RNF130: variants seen among roughly 807,000 people sequenced by gnomAD.
The protein encoded by RNF130 is ring finger protein 130.
RNF130 carries 21 observed loss-of-function variants against 44.6 expected under a neutral mutation model. The ratio of observed to expected loss-of-function variants is 0.47; its 90% CI spans 0.33 to 0.68. The LOEUF (loss-of-function observed/expected upper bound fraction) is 0.68. RNF130 is among the 30% of genes least tolerant of loss of function. RNF130 has a pLI of 0.02. For synonymous variants in RNF130, 214 were observed against 210.4 expected (o/e 1.02, Z -0.15); for missense variants, 479 against 560.6 (o/e 0.85, Z 1.47).
At chr5:180,013,358 T>C (rs10516141) in intron 2 of RNF130, 47 bp from the exon 3 acceptor site, 75,351 of 1,509,308 alleles carry the variant, frequency 0.05, 4,425 homozygotes, top group African/African-American at 0.3. Flanking sequence ...TTAAAACTTA[T>C]GGAAACATCA....
intron 2 of RNF130, among the ~76,000 whole-genome samples, chr5:180,014,658 C>T (rs1386996002): frequency 1.3e-5 from 2 of 152,168 alleles, no homozygotes; most frequent in East Asian, 3.9e-4. Context: ...CTTTGTGTTA[C>T]ATGCAGTCAC....
intron 1 of RNF130, among the ~76,000 whole-genome samples, chr5:180,067,073 T>C (rs1582236616): frequency 6.6e-6 from 1 of 152,110 alleles, no homozygotes; most frequent in Non-Finnish European, 1.5e-5. Flanking sequence ...CAGTCACACC[T>C]TATTCAAGGC....
intron 3 of RNF130, among the ~76,000 whole-genome samples, chr5:180,008,561 T>C (rs1763513891): frequency 1.3e-5 from 2 of 152,094 alleles, no homozygotes; most frequent in South Asian, 4.1e-4. Flanking sequence ...CATAATGGAA[T>C]CAAACCAGAA....
chr5:179,976,139 G>C (rs1352890317), intron 5 of RNF130, among the ~76,000 whole-genome samples: 9 of 152,164 alleles, frequency 5.9e-5, no homozygotes, highest in African/African-American at 2.2e-4. Context: ...GGGCAACATA[G>C]TGAGACCCCA....
At chr5:179,926,862 G>A (rs1761715485) in intron 7 of RNF130, among the ~76,000 whole-genome samples, 1 of 152,122 alleles carries the variant, frequency 6.6e-6, no homozygotes, top group Admixed American at 6.5e-5. Context: ...GCCATTTCCA[G>A]GTAGACAGCG....
chr5:179,925,835 G>GT (rs1452195525), intron 7 of RNF130, among the ~76,000 whole-genome samples: 1 of 152,156 alleles, frequency 6.6e-6, no homozygotes, highest in African/African-American at 2.4e-5. Context: ...ACCTGGCTGG[G>GT]TTTATTCTGA....
chr5:180,071,489 C>T lies in RNF130; in HGVS notation c.214G>A (p.Gly72Ser), dbSNP rs751858480. 1 of 1,259,166 alleles carries T rather than the reference C, an allele frequency of 7.9e-7. No individual in the cohort carries two copies. The highest frequency in any genetic ancestry group is 1.0e-6 in the Non-Finnish European group (1 of 999,860). 78.0% of individuals were successfully genotyped at this position (1,259,166 alleles called of 1,614,324 possible). A position where few individuals can be genotyped will look rare whatever the true frequency, so the allele number is the denominator to read the frequency against. ...GLDSPKAEVR[G>S]QVLAPLPLHG... ...AGGGGCAGCGGCGCCAGCACCTGGC[C>T]GCGGACCTCGGCCTTGGGGGAGTCA... The change falls in exon 1 of 9, where the codon GGC becomes AGC. Residue 72 changes from glycine to serine, a missense_variant. This residue lies in a region of RNF130 where 138 missense variants were observed against 126.9 expected (regional missense o/e 1.09). Coordinates refer to ENST00000521389, the MANE Select transcript of RNF130 (RefSeq NM_018434.6).
chr5:180,018,228 G>C (rs1582193641), intron 2 of RNF130, among the ~76,000 whole-genome samples: 1 of 151,622 alleles, frequency 6.6e-6, no homozygotes, highest in African/African-American at 2.4e-5. Context: ...AAGGGTGGTG[G>C]AGGTTTCAGT....
At chr5:179,962,947 T>G (rs1256992872) in intron 8 of RNF130, among the ~76,000 whole-genome samples, 2 of 152,192 alleles carry the variant, frequency 1.3e-5, no homozygotes, top group Non-Finnish European at 2.9e-5. Context: ...CGCTTAGACT[T>G]ATTTTCTCTT....
At chr5:179,923,325 A>T (rs1761660768) in intron 7 of RNF130, among the ~76,000 whole-genome samples, 1 of 151,946 alleles carries the variant, frequency 6.6e-6, no homozygotes, top group Non-Finnish European at 1.5e-5. Context: ...CTGTCTTGGC[A>T]CCTTTATGGA....
intron 7 of RNF130, among the ~76,000 whole-genome samples, chr5:179,948,495 C>A (rs1762078026): frequency 6.6e-6 from 1 of 151,978 alleles, no homozygotes; most frequent in African/African-American, 2.4e-5. Context: ...CATGGTGAAA[C>A]CCCCATCTCT....
intron 2 of RNF130, among the ~76,000 whole-genome samples, chr5:180,021,263 C>T (rs1410357980): frequency 6.6e-6 from 1 of 152,212 alleles, no homozygotes; most frequent in Non-Finnish European, 1.5e-5. Context: ...GCTGGGATTA[C>T]AGGCGTGAGC....
intron 4 of RNF130, among the ~76,000 whole-genome samples, chr5:179,979,855 A>T (rs1209760772): frequency 6.6e-6 from 1 of 152,240 alleles, no homozygotes; most frequent in Non-Finnish European, 1.5e-5. Context: ...CCCAGGAAGT[A>T]TAGGAAGAAA....
chr5:179,986,186 A>G (rs1345175858), intron 3 of RNF130, among the ~76,000 whole-genome samples: 1 of 152,238 alleles, frequency 6.6e-6, no homozygotes, highest in South Asian at 2.1e-4. Flanking sequence ...CAAAAAGTAT[A>G]AAGTTTTTGT....
intron 2 of RNF130, among the ~76,000 whole-genome samples, chr5:180,024,847 C>T (rs1276639637): frequency 6.6e-6 from 1 of 152,130 alleles, no homozygotes; most frequent in Non-Finnish European, 1.5e-5. Flanking sequence ...CTAAACGCTC[C>T]TCAAACTTAA....
At chr5:179,952,858 T>A (rs1554100960), downstream of RNF130, among the ~76,000 whole-genome samples, 1 of 152,192 alleles carries the variant, frequency 6.6e-6, no homozygotes, top group Non-Finnish European at 1.5e-5. Context: ...TAAAGGTATC[T>A]AGTCTATAGT....
At chr5:179,951,119 T>C (rs1191925861), downstream of RNF130, among the ~76,000 whole-genome samples, 2 of 152,168 alleles carry the variant, frequency 1.3e-5, no homozygotes. Context: ...GGAATCTCAA[T>C]GGATAGAGGT....
chr5:179,938,299 C>T (rs1208126379), intron 7 of RNF130, among the ~76,000 whole-genome samples: 1 of 151,988 alleles, frequency 6.6e-6, no homozygotes, highest in Non-Finnish European at 1.5e-5. Context: ...GTGAAAGAGG[C>T]CAAACACAAA....
intron 2 of RNF130, among the ~76,000 whole-genome samples, chr5:180,019,124 C>T (rs1763811465): frequency 6.6e-6 from 1 of 152,212 alleles, no homozygotes; most frequent in Admixed American, 6.5e-5. Context: ...GTGGCTCACG[C>T]CTGTAATCCC....
Sources: gnomAD v4.1 joint callset for allele counts (sites outside exome capture counted in the v4.1 genomes callset) on GRCh38, gnomAD v4.1.1 for gene constraint, gnomAD v4.1.1 regional missense constraint, MANE v1.5 for transcripts, NCBI Gene and HGNC (gene_info 2026-07-23, HGNC 2026-07-21) for gene names.